The following EXOC6B variants were observed in gnomAD, a reference collection of about 807,000 sequenced individuals.
EXOC6B encodes the protein exocyst complex component 6B, also known as SEC15 homolog B.
A neutral mutation model predicts 113.5 loss-of-function variants in EXOC6B; 54 were observed. That is an observed-to-expected ratio of 0.48 (90% CI 0.38 to 0.60). The LOEUF is 0.60. EXOC6B is among the 20% of genes least tolerant of loss of function. The pLI is 0.00. For synonymous variants in EXOC6B, 357 were observed against 339.0 expected, an observed-to-expected ratio of 1.05 and a Z score of -0.58; for missense variants, 797 against 977.5, an observed-to-expected ratio of 0.82 and a Z score of 2.46.
At chr2:72,215,082 G>A (rs942704616) in intron 20 of EXOC6B, among the ~76,000 whole-genome samples, 5 of 152,194 alleles carry the variant, frequency 3.3e-5, no homozygotes, top group African/African-American at 4.8e-5. Flanking sequence ...AGAGCTACTC[G>A]TGGGGACATC....
intron 20 of EXOC6B, among the ~76,000 whole-genome samples, chr2:72,231,383 A>G (rs1463800579): frequency 6.6e-6 from 1 of 152,210 alleles, no homozygotes. Flanking sequence ...AACAGTAAAG[A>G]AGAAAATGGG....
chr2:72,379,480 C>A (rs1203238112), intron 19 of EXOC6B, among the ~76,000 whole-genome samples: 2 of 152,158 alleles, frequency 1.3e-5, no homozygotes, highest in Admixed American at 1.3e-4. Flanking sequence ...CCTTATATCA[C>A]CCCATAGATT....
In EXOC6B at chr2:72,750,794, A is replaced by C. The variant is rs1681989946; in HGVS notation, c.114-9325T>G. Among the ~76,000 whole-genome samples the C allele has an allele frequency of 2.0e-5, 3 of 152,102 alleles. No individual in the cohort carries two copies. In the South Asian group the frequency reaches 6.2e-4, roughly 31 times the overall value. ...GCATGGTTGTTAATACCCTCAAATAACCAACTGAAGCAAAGGCAAATCTTC... is the reference window on the plus strand; with the variant it reads ...GCATGGTTGTTAATACCCTCAAATACCCAACTGAAGCAAAGGCAAATCTTC... On this transcript the variant is annotated intron_variant, in intron 1 of 21. Transcript: ENST00000272427.
At chr2:72,407,232 C>G (rs1225412825) in intron 18 of EXOC6B, among the ~76,000 whole-genome samples, 1 of 152,028 alleles carries the variant, frequency 6.6e-6, no homozygotes. Flanking sequence ...AATAGCTTAC[C>G]AGCCAAAAAA....
At chr2:72,221,556 C>A (rs1250154729) in intron 20 of EXOC6B, among the ~76,000 whole-genome samples, 2 of 152,150 alleles carry the variant, frequency 1.3e-5, no homozygotes, top group Non-Finnish European at 2.9e-5. Flanking sequence ...TTTACAACTA[C>A]AACTACAGAA....
At chr2:72,692,513 G>A (rs866836730) in intron 6 of EXOC6B, among the ~76,000 whole-genome samples, 22 of 151,840 alleles carry the variant, frequency 1.4e-4, no homozygotes, top group Non-Finnish European at 1.2e-4. Context: ...CACCATGCCC[G>A]GCTAATTTTT....
intron 8 of EXOC6B, among the ~76,000 whole-genome samples, chr2:72,527,930 T>C (rs745642495): frequency 6.6e-6 from 1 of 152,020 alleles, no homozygotes; most frequent in Non-Finnish European, 1.5e-5. Context: ...TATTTATATA[T>C]TCTAGATACA....
At chr2:72,513,800 T>A (rs1701070067) in intron 10 of EXOC6B, among the ~76,000 whole-genome samples, 1 of 152,104 alleles carries the variant, frequency 6.6e-6, no homozygotes. Flanking sequence ...AACAATCTTG[T>A]GGCTTTTTGT....
intron 6 of EXOC6B, among the ~76,000 whole-genome samples, chr2:72,683,843 CT>C (rs1180575072): frequency 1.3e-5 from 2 of 152,162 alleles, no homozygotes; most frequent in Non-Finnish European, 2.9e-5. Context: ...ATCATTCCAC[CT>C]TTTTTTCTTT....
At chr2:72,238,441 A>ATGGT (rs1406705844) in intron 20 of EXOC6B, among the ~76,000 whole-genome samples, 2 of 152,198 alleles carry the variant, frequency 1.3e-5, no homozygotes, top group African/African-American at 4.8e-5. Context: ...GCTGGGTTAT[A>ATGGT]TGGTTAACTC....
chr2:72,459,826 G>A (rs1417004219), intron 18 of EXOC6B, among the ~76,000 whole-genome samples: 1 of 152,102 alleles, frequency 6.6e-6, no homozygotes, highest in Admixed American at 6.6e-5. Context: ...AGCTACCAAT[G>A]ACTTTCTTCA....
intron 20 of EXOC6B, among the ~76,000 whole-genome samples, chr2:72,195,698 T>C (rs1482480936): frequency 3.3e-5 from 5 of 152,100 alleles, no homozygotes; most frequent in African/African-American, 7.2e-5. Context: ...TGTAAGCAAA[T>C]ATCGAGAAAA....
At chr2:72,687,660 A>G (rs1432487615) in intron 6 of EXOC6B, among the ~76,000 whole-genome samples, 1 of 152,162 alleles carries the variant, frequency 6.6e-6, no homozygotes, top group Non-Finnish European at 1.5e-5. Flanking sequence ...CAGAAAATGA[A>G]GCTTAAAGGG....
intron 6 of EXOC6B, among the ~76,000 whole-genome samples, chr2:72,615,530 C>T (rs1671328559): frequency 6.9e-6 from 1 of 144,566 alleles, no homozygotes; most frequent in African/African-American, 2.5e-5. Flanking sequence ...AAGAAAGTAA[C>T]ATACAGAAAA....
At chr2:72,229,552 G>A (rs746693976) in intron 20 of EXOC6B, among the ~76,000 whole-genome samples, 4 of 152,130 alleles carry the variant, frequency 2.6e-5, no homozygotes, top group Admixed American at 2.6e-4. Context: ...AGACAGGCAG[G>A]GAGCTCCCCA....
chr2:72,388,111 G>A (rs954927793), intron 18 of EXOC6B, among the ~76,000 whole-genome samples: 6 of 152,050 alleles, frequency 3.9e-5, no homozygotes, highest in African/African-American at 1.4e-4. Context: ...TAGAGGCCAG[G>A]GATACTGATA....
At chr2:72,397,535 G>A (rs1446551402) in intron 18 of EXOC6B, among the ~76,000 whole-genome samples, 3 of 150,724 alleles carry the variant, frequency 2.0e-5, no homozygotes, top group Non-Finnish European at 4.4e-5. Flanking sequence ...CAGGAGAATC[G>A]CTTGAGCCCA....
chr2:72,232,793 C>T (rs894132541), intron 20 of EXOC6B, among the ~76,000 whole-genome samples: 36 of 152,174 alleles, frequency 2.4e-4, no homozygotes, highest in Admixed American at 1.1e-3. Context: ...GAAACCCGGG[C>T]CAGGCGCAGT....
chr2:72,574,647 G>A (rs1704723250), intron 7 of EXOC6B, among the ~76,000 whole-genome samples: 1 of 152,116 alleles, frequency 6.6e-6, no homozygotes. Context: ...TTACATGTCA[G>A]TGGCCATTTT....
Sources: gnomAD v4.1 joint callset for allele counts (sites outside exome capture counted in the v4.1 genomes callset) on GRCh38, gnomAD v4.1.1 for gene constraint, MANE v1.5 for transcripts, NCBI Gene and HGNC (gene_info 2026-07-23, HGNC 2026-07-21) for gene names.